The following NBPF11 variants were observed in gnomAD, a reference collection of about 807,000 sequenced individuals.
NBPF11 encodes the protein NBPF family member NBPF11.
NBPF11 carries 72 observed loss-of-function variants against 93.9 expected under a neutral mutation model. That is an observed-to-expected ratio of 0.77 (90% confidence interval 0.63 to 0.93). The LOEUF (loss-of-function observed/expected upper bound fraction) is 0.93. Among genes scored for constraint, NBPF11 ranks in the 40% least tolerant of loss-of-function variants. The probability of loss-of-function intolerance (pLI) is 0.00; values close to 1 mark genes in which losing one functional copy is unlikely to be tolerated. For synonymous variants in NBPF11, 224 were observed against 304.9 expected, an observed-to-expected ratio of 0.73 and a Z score of 2.76; for missense variants, 705 against 802.2, an observed-to-expected ratio of 0.88 and a Z score of 1.46.
chr1:148,115,070 C>G (rs1253601879), intron 14 of NBPF11, among the ~76,000 whole-genome samples: 1 of 124,700 alleles, frequency 8.0e-6, no homozygotes, highest in African/African-American at 3.3e-5. Context: ...GAGGCTGAGG[C>G]AGGAGAATCA....
At position 148,126,885 on chromosome 1, in the gene NBPF11, T is replaced by A; in HGVS notation, c.119A>T (p.Glu40Val). Residue 40 changes from glutamate to valine, a missense_variant, in exon 5 of 24, where the codon GAG (glutamate) becomes GTG (valine). Physicochemically the swap from Glu to Val is moderately radical, Grantham distance 121. Around this residue, in one of 12 missense-constraint regions of NBPF11, gnomAD observed 128 missense variants for 112.8 expected, o/e 1.14. Coordinates refer to ENST00000682118, the MANE Select transcript of NBPF11 (RefSeq NM_001385469.3). Reference protein sequence around the residue: ...ENKQQFRNLKERCFLTQLAGF... With the variant: ...ENKQQFRNLKVRCFLTQLAGF... ...GGCCAGTTGAGTTAGAAAACATCTC[T>A]CTTTGAGGTTTCTGAACTGCTGTTT... The A allele has an allele frequency of 6.9e-7, 1 of 1,455,718 alleles. No individual in the cohort carries two copies. Among genetic ancestry groups the A allele is most frequent in the Non-Finnish European group, 9.5e-7 (1 of 1,051,588 alleles). 90.2% of individuals were successfully genotyped at this position (1,455,718 alleles called of 1,614,324 possible).
intron 1 of NBPF11, among the ~76,000 whole-genome samples, chr1:148,150,511 G>GAAAAA (rs563519266): frequency 6.9e-6 from 1 of 145,356 alleles, no homozygotes; most frequent in Non-Finnish European, 1.5e-5. Context: ...TTTTAGAATA[G>GAAAAA]AAAAAAAAAA....
chr1:148,150,461 T>C (rs1648001533), intron 1 of NBPF11, among the ~76,000 whole-genome samples: 1 of 151,298 alleles, frequency 6.6e-6, no homozygotes, highest in Admixed American at 6.6e-5. Context: ...TTTTCGAAGA[T>C]TTCTTTGACA....
chr1:148,118,351 C>T (rs1667050943), intron 11 of NBPF11, among the ~76,000 whole-genome samples: 1 of 151,906 alleles, frequency 6.6e-6, no homozygotes, highest in African/African-American at 2.4e-5. Context: ...GTGGTTCACA[C>T]TCCTTTGGTT....
chr1:148,150,757 G>T (rs1405699537), intron 1 of NBPF11, among the ~76,000 whole-genome samples: 1 of 143,874 alleles, frequency 7.0e-6, no homozygotes, highest in Non-Finnish European at 1.5e-5. Flanking sequence ...AGGGAGTCTC[G>T]CTCTGTCACC....
rs1470887114 is a variant in NBPF11, at chr1:148,103,363, T to A, written c.*533A>T. 6.8e-6 allele frequency: 3 copies of A among 439,102 alleles called. No homozygotes were observed. The highest frequency in any genetic ancestry group is 7.0e-5 in the Admixed American group (2 of 28,424). 27.2% of individuals were successfully genotyped at this position (439,102 alleles called of 1,614,324 possible). ...AGGTATAGAAGCTCAGAGACATGCC[T>A]GCAAAATGAAATCCCTGAGGAATTT... On this transcript the variant is annotated 3_prime_UTR_variant, in exon 24 of 24. Transcript: ENST00000682118.
intron 1 of NBPF11, among the ~76,000 whole-genome samples, chr1:148,144,405 A>T (rs1672663298): frequency 6.6e-6 from 1 of 151,246 alleles, no homozygotes; most frequent in Non-Finnish European, 1.5e-5. Context: ...AAACCGTGAC[A>T]CTTGGAGATT....
At position 148,140,790 on chromosome 1, in the gene NBPF11, T is replaced by C. The variant is rs1308205378; in HGVS notation, c.-277+2625A>G. Among the ~76,000 whole-genome samples the C allele has an allele frequency of 4.6e-5, 7 of 151,824 alleles. No individual in the cohort carries two copies. In the South Asian group the frequency reaches 8.3e-4, roughly 18 times the overall value. ...GATCAGGAACAACCAGAACTCTCCA[T>C]AGCTAGTGGAAATCAAAAGTGTAGT... On this transcript the variant is annotated intron_variant, in intron 2 of 23. Coordinates refer to ENST00000682118, the MANE Select transcript of NBPF11 (RefSeq NM_001385469.3).
intron 4 of NBPF11, among the ~76,000 whole-genome samples, chr1:148,131,336 C>T (rs1390451318): frequency 6.6e-6 from 1 of 151,546 alleles, no homozygotes; most frequent in African/African-American, 2.4e-5. Flanking sequence ...TGAAGAAACT[C>T]CCCAGGCCTC....
At chr1:148,132,723 C>CCTTTT (rs1670621188) in intron 4 of NBPF11, among the ~76,000 whole-genome samples, 3 of 33,214 alleles carry the variant, frequency 9.0e-5, no homozygotes, top group African/African-American at 1.0e-4. Flanking sequence ...GTTGACTTTC[C>CCTTTT]TTTTTTTTTT....
At position 148,134,857 on chromosome 1, in the gene NBPF11, AG is replaced by A. The variant is rs1232181897; in HGVS notation, c.-36+814del. ...CCACAGACCACACGGCCCTAGAGTCAGGGGCAGCACCAGCCACTGTCGGCTG... is the reference window on the plus strand; with the variant it reads ...CCACAGACCACACGGCCCTAGAGTCAGGGCAGCACCAGCCACTGTCGGCTG... On this transcript the variant is annotated intron_variant, in intron 4 of 23. Transcript: ENST00000682118. Among the ~76,000 whole-genome samples the A allele has an allele frequency of 4.1e-3, 622 of 152,114 alleles. 16 individuals carry two copies. The highest frequency in any genetic ancestry group is 0.014 in the African/African-American group (598 of 41,346).
At chr1:148,121,975 T>A in intron 9 of NBPF11, 80 bp downstream of exon 9, 3 of 938,838 alleles carry the variant, frequency 3.2e-6, no homozygotes, top group Non-Finnish European at 5.3e-6. Context: ...AATAACAATA[T>A]GTGTATATAC....
chr1:148,110,366 T>C lies in NBPF11; in HGVS notation c.1801+12A>G. ...AACTGGAGCTTTATCACCTTCACAA[T>C]GGAGTACTCACTGCCTATGTCAACA... On this transcript the variant is annotated intron_variant, in intron 16 of 23. Transcript: ENST00000682118. The C allele has an allele frequency of 3.2e-6, 5 of 1,573,164 alleles. 1 individual carries two copies. In the Middle Eastern group the frequency reaches 9.1e-4, roughly 287 times the overall value.
At position 148,108,647 on chromosome 1, in the gene NBPF11, T is replaced by G. The variant is rs1481937393; in HGVS notation, c.1861A>C (p.Arg621=). 18 of 1,106,564 alleles carry G rather than the reference T, an allele frequency of 1.6e-5. No individual in the cohort carries two copies. In the African/African-American group the frequency reaches 2.8e-4, roughly 17 times the overall value. The allele number at this position is 1,106,564 out of a possible 1,614,324, so 68.5% of individuals were successfully genotyped here. ...GGCTCTTTCTCATCCAGCAGCTCCC[T>G]GCTGAGCCTGGAAAAGTGGGAAAAA... is the stretch of plus-strand genomic sequence containing the variant. ...DQEATGPRLS[R]ELLDEKEPEV... The change falls in exon 18 of 24, where the codon AGG becomes CGG. Residue 621 remains arginine (R), a synonymous_variant. Coordinates refer to ENST00000682118, the MANE Select transcript of NBPF11 (RefSeq NM_001385469.3).
intron 4 of NBPF11, among the ~76,000 whole-genome samples, chr1:148,133,995 C>T (rs1354079427): frequency 5.3e-5 from 8 of 151,996 alleles, no homozygotes; most frequent in South Asian, 2.1e-4. Flanking sequence ...TGTCTCTAGA[C>T]AGCCAAGTCC....
chr1:148,108,107 A>G lies in NBPF11; in HGVS notation c.2027-345T>C, dbSNP rs1371600525. 6.2e-3 allele frequency among the ~76,000 whole-genome samples: 924 copies of G among 149,394 alleles called. 13 individuals carry two copies. The highest frequency in any genetic ancestry group is 0.022 in the African/African-American group (888 of 40,494). On this transcript the variant is annotated intron_variant, in intron 18 of 23. Coordinates refer to ENST00000682118, the MANE Select transcript of NBPF11 (RefSeq NM_001385469.3). The stretch of plus-strand genomic sequence containing the variant: ...TGCACTATTCAGCCCTGTCTCATCA[A>G]ATACTCAGATTGTTCATGGTAGTGA...
intron 21 of NBPF11, 79 bp downstream of exon 21, chr1:148,106,102 G>C (rs1451501600): frequency 5.4e-5 from 33 of 608,686 alleles, no homozygotes; most frequent in Non-Finnish European, 8.9e-5. Flanking sequence ...AATCGATAAT[G>C]TCAGCCCGCT....
At chr1:148,146,856 G>A (rs1256442258) in intron 1 of NBPF11, 11 of 1,613,774 alleles carry the variant, frequency 6.8e-6, no homozygotes, top group Admixed American at 1.7e-5. Flanking sequence ...GTGCCAGCTC[G>A]GGCAGGCCTT....
intron 1 of NBPF11, among the ~76,000 whole-genome samples, chr1:148,146,071 G>C (rs1439928654): frequency 6.6e-6 from 1 of 152,008 alleles, no homozygotes; most frequent in African/African-American, 2.4e-5. Context: ...TTTAGGGGCA[G>C]GGGTGCGGAG....
Sources: gnomAD v4.1 joint callset for allele counts (sites outside exome capture counted in the v4.1 genomes callset) on GRCh38, gnomAD v4.1.1 for gene constraint, gnomAD v4.1.1 regional missense constraint, MANE v1.5 for transcripts, NCBI Gene and HGNC (gene_info 2026-07-23, HGNC 2026-07-21) for gene names.